Variants in DAB1 observed in about 807,000 individuals in gnomAD.
The protein encoded by DAB1 is disabled homolog 1.
In DAB1, 15 loss-of-function variants were observed where a neutral mutation model predicts 64.6. The ratio of observed to expected loss-of-function variants is 0.23; its 90% CI spans 0.16 to 0.36. The LOEUF is 0.36. DAB1 is among the 10% of genes least tolerant of loss of function. The pLI is 1.00. For missense variants in DAB1, 596 were observed against 706.7 expected, an observed-to-expected ratio of 0.84 and a Z score of 1.78; for synonymous variants, 235 against 251.9, an observed-to-expected ratio of 0.93 and a Z score of 0.64.
At chr1:57,104,058 C>T (rs994372869) in intron 4 of DAB1, among the ~76,000 whole-genome samples, 1 of 152,136 alleles carries the variant, frequency 6.6e-6, no homozygotes, top group African/African-American at 2.4e-5. Flanking sequence ...CTCTACATGA[C>T]AGTGGTAGGT....
At chr1:57,723,619 G>A (rs572394992) in intron 6 of DAB1, among the ~76,000 whole-genome samples, 1 of 152,322 alleles carries the variant, frequency 6.6e-6, no homozygotes, top group Admixed American at 6.5e-5. Flanking sequence ...GATGTGGAAA[G>A]CCTTCAGTCA....
intron 7 of DAB1, among the ~76,000 whole-genome samples, chr1:57,524,431 G>A (rs1644566868): frequency 6.6e-6 from 1 of 152,198 alleles, no homozygotes; most frequent in Non-Finnish European, 1.5e-5. Context: ...CACCAAACAG[G>A]CTTTGTGTGA....
At chr1:57,587,572 A>T (rs1362638847) in intron 7 of DAB1, among the ~76,000 whole-genome samples, 1 of 152,206 alleles carries the variant, frequency 6.6e-6, no homozygotes, top group Non-Finnish European at 1.5e-5. Flanking sequence ...CAATTGTACC[A>T]TGGGTCCCTT....
intron 4 of DAB1, among the ~76,000 whole-genome samples, chr1:58,187,295 CAAA>C (rs535043834): frequency 1.1e-5 from 1 of 94,848 alleles, no homozygotes; most frequent in Admixed American, 1.2e-4. Flanking sequence ...CTTAACTCTA[CAAA>C]AAAAAAAAAA....
intron 7 of DAB1, among the ~76,000 whole-genome samples, chr1:57,604,791 T>C (rs1252856749): frequency 2.0e-5 from 3 of 152,226 alleles, no homozygotes; most frequent in African/African-American, 7.2e-5. Flanking sequence ...TCAAAAATCC[T>C]GTTCCAACCT....
intron 7 of DAB1, among the ~76,000 whole-genome samples, chr1:57,444,873 T>G (rs566284858): frequency 3.9e-5 from 6 of 152,344 alleles, no homozygotes; most frequent in African/African-American, 1.4e-4. Flanking sequence ...TCACCGTGTT[T>G]GTGGTAGTTT....
In DAB1 at chr1:57,616,889, T is replaced by C. The variant is rs1399380402; in HGVS notation, n.625+32703A>G. ...ATCAACAGGACTAGCAGGTCTGCCA[T>C]GCTCTGAGGGTGGCAGAGGATTGGT... On this transcript the variant is annotated intron_variant and non_coding_transcript_variant, in intron 7 of 20. Coordinates refer to the DAB1 transcript ENST00000485760. Among the ~76,000 whole-genome samples the C allele has an allele frequency of 2.6e-5, 4 of 152,166 alleles. No individual in the cohort carries two copies. In the South Asian group the frequency reaches 8.3e-4, roughly 32 times the overall value.
At chr1:57,540,286 C>CA (rs1445881528) in intron 7 of DAB1, among the ~76,000 whole-genome samples, 1 of 151,822 alleles carries the variant, frequency 6.6e-6, no homozygotes, top group Non-Finnish European at 1.5e-5. Flanking sequence ...ATCAAAGAGA[C>CA]AAAAAAATAA....
rs527813244 is a variant in DAB1, at chr1:57,024,580, A to G, written c.787-941T>C. Among the ~76,000 whole-genome samples the G allele has an allele frequency of 1.3e-3, 191 of 152,194 alleles. 1 individual carries two copies. The highest frequency in any genetic ancestry group is 4.3e-3 in the African/African-American group (180 of 41,504). On this transcript the variant is annotated intron_variant, in intron 10 of 14. Coordinates refer to ENST00000371236, the MANE Select transcript of DAB1 (RefSeq NM_001365792.1). ...GGCATTGTTCTGAGGATTATTAAAT[A>G]CCCATTTGGACTGCGCTTGGGTTCA...
intron 7 of DAB1, among the ~76,000 whole-genome samples, chr1:57,607,552 C>A (rs776584998): frequency 1.4e-4 from 22 of 152,276 alleles, no homozygotes; most frequent in Non-Finnish European, 2.6e-4. Flanking sequence ...ATACAAAAGC[C>A]TGTGCCCTAT....
intron 1 of DAB1, among the ~76,000 whole-genome samples, chr1:57,400,481 T>A (rs181218524): frequency 6.6e-6 from 1 of 151,352 alleles, no homozygotes. Flanking sequence ...TTTCCACTAA[T>A]ACAACCATGG....
In DAB1 at chr1:58,120,044, A is replaced by G. The variant is rs192132137; in HGVS notation, n.387+30467T>C. 3.1e-3 allele frequency among the ~76,000 whole-genome samples: 469 copies of G among 152,230 alleles called. 3 individuals are homozygous for G. Among genetic ancestry groups the G allele is most frequent in the African/African-American group, 0.011 (447 of 41,536 alleles). Reference sequence around the variant, plus strand: ...TCTCCATCCTGATTGCTGGTCCCAGAGCCTGAAATGTCCTTTACTGGCCTC... The same window carrying G: ...TCTCCATCCTGATTGCTGGTCCCAGGGCCTGAAATGTCCTTTACTGGCCTC... On this transcript the variant is annotated intron_variant and non_coding_transcript_variant, in intron 5 of 20. Coordinates refer to the DAB1 transcript ENST00000485760.
Position 57,423,968 on chromosome 1 carries a change from C to A in DAB1, c.-175G>T, listed in dbSNP as rs1439704927. On this transcript the variant is annotated 5_prime_UTR_variant, in exon 1 of 15. Coordinates refer to ENST00000371236, the MANE Select transcript of DAB1 (RefSeq NM_001365792.1). ...GAGCATCCTCCTCCGCTGCCGCAGC[C>A]GCCCAGGAAGCGGCTCCCCATGCCC... 1 of 152,174 alleles carries A rather than the reference C, an allele frequency of 6.6e-6. No individual in the cohort carries two copies. Among genetic ancestry groups the A allele is most frequent in the Non-Finnish European group, 1.5e-5 (1 of 68,128 alleles). 9.4% of individuals were successfully genotyped at this position (152,174 alleles called of 1,614,324 possible).
chr1:57,125,683 A>C (rs1006757617), intron 4 of DAB1, among the ~76,000 whole-genome samples: 1 of 152,174 alleles, frequency 6.6e-6, no homozygotes, highest in Non-Finnish European at 1.5e-5. Flanking sequence ...GATTTAACAC[A>C]TTATACACAA....
At chr1:57,126,142 C>A (rs1293355138) in intron 4 of DAB1, among the ~76,000 whole-genome samples, 1 of 151,926 alleles carries the variant, frequency 6.6e-6, no homozygotes, top group Non-Finnish European at 1.5e-5. Context: ...CATGGTTATT[C>A]TTATTTTAAA....
intron 4 of DAB1, among the ~76,000 whole-genome samples, chr1:58,307,004 A>G (rs573584700): frequency 5.1e-4 from 77 of 152,362 alleles, no homozygotes; most frequent in Non-Finnish European, 9.7e-4. Context: ...AAGAACTCCA[A>G]TGACTTTCCC....
intron 6 of DAB1, among the ~76,000 whole-genome samples, chr1:57,724,071 G>A (rs1378579340): frequency 6.6e-6 from 1 of 152,138 alleles, no homozygotes; most frequent in Non-Finnish European, 1.5e-5. Flanking sequence ...AGAGACAAGG[G>A]TAAGTGAACT....
chr1:57,827,413 C>A (rs1652399357), intron 1 of DAB1, among the ~76,000 whole-genome samples: 1 of 152,158 alleles, frequency 6.6e-6, no homozygotes, highest in Non-Finnish European at 1.5e-5. Flanking sequence ...TTTCTGCAAT[C>A]CCAGCTTTAC....
intron 5 of DAB1, among the ~76,000 whole-genome samples, chr1:57,913,251 G>A (rs918182475): frequency 1.3e-5 from 2 of 151,948 alleles, no homozygotes; most frequent in African/African-American, 4.8e-5. Context: ...CACAGATATA[G>A]ACCAATGGAA....
Sources: gnomAD v4.1 joint callset for allele counts (sites outside exome capture counted in the v4.1 genomes callset) on GRCh38, gnomAD v4.1.1 for gene constraint, MANE v1.5 for transcripts, NCBI Gene and HGNC (gene_info 2026-07-23, HGNC 2026-07-21) for gene names.